Variants in SDK1 observed in about 807,000 individuals in gnomAD.
The protein encoded by SDK1 is protein sidekick-1.
SDK1 carries 157 observed loss-of-function variants against 245.5 expected under a neutral mutation model. That is an observed-to-expected ratio of 0.64 (90% CI 0.56 to 0.73). The LOEUF (loss-of-function observed/expected upper bound fraction) is 0.73. SDK1 is among the 30% of genes least tolerant of loss of function. The pLI is 0.00. For missense variants in SDK1, 3,583 were observed against 3,002.3 expected (o/e 1.19, Z -4.52); for synonymous variants, 1,647 against 1,278.5 (o/e 1.29, Z -6.15).
rs546792435 is a variant in SDK1, at chr7:3,949,183, G to A, written c.848-1740G>A. Among the ~76,000 whole-genome samples the A allele has an allele frequency of 4.6e-5, 7 of 152,344 alleles. No homozygotes were observed. The East Asian group carries it at 1.4e-3, about 29-fold the overall frequency. On this transcript the variant is annotated intron_variant, in intron 5 of 44. Transcript: ENST00000404826. ...CCGCTGCAGAGTTGGAGAGTCTAGA[G>A]ATGGGGAAGGCTGCCTCAGCCCCCC...
chr7:4,109,741 G>A (rs1442375968), intron 22 of SDK1, among the ~76,000 whole-genome samples: 1 of 152,212 alleles, frequency 6.6e-6, no homozygotes, highest in Non-Finnish European at 1.5e-5. Flanking sequence ...CCATCAAGGG[G>A]GAGAGAGGGA....
intron 1 of SDK1, among the ~76,000 whole-genome samples, chr7:3,324,161 T>A (rs1178809752): frequency 1.3e-5 from 2 of 152,218 alleles, no homozygotes; most frequent in Non-Finnish European, 2.9e-5. Context: ...AGATTCATTT[T>A]TCATGGTCAT....
chr7:3,582,113 A>T (rs1041916534), intron 1 of SDK1, among the ~76,000 whole-genome samples: 3 of 145,164 alleles, frequency 2.1e-5, no homozygotes, highest in Non-Finnish European at 4.7e-5. Context: ...GGTCTCCCTC[A>T]GGTAGGCCTG....
At chr7:3,327,049 T>G (rs760192277) in intron 1 of SDK1, among the ~76,000 whole-genome samples, 3 of 152,212 alleles carry the variant, frequency 2.0e-5, no homozygotes, top group Non-Finnish European at 4.4e-5. Flanking sequence ...AAGTCAGATG[T>G]AAAGATAATG....
intron 32 of SDK1, among the ~76,000 whole-genome samples, chr7:4,172,124 G>A (rs181363624): frequency 3.9e-5 from 6 of 152,302 alleles, no homozygotes; most frequent in African/African-American, 1.4e-4. Context: ...GCTTTTCCGC[G>A]TCTGAGGGGG....
chr7:3,389,245 C>CT (rs1361142915), intron 1 of SDK1, among the ~76,000 whole-genome samples: 15 of 151,966 alleles, frequency 9.9e-5, no homozygotes, highest in Admixed American at 3.3e-4. Context: ...TAAAATGAGA[C>CT]TACAGATATG....
intron 1 of SDK1, among the ~76,000 whole-genome samples, chr7:3,490,819 T>C (rs1781842516): frequency 2.0e-5 from 3 of 152,312 alleles, no homozygotes; most frequent in Admixed American, 2.0e-4. Context: ...GCCCAAATTC[T>C]CCTTTTAGTA....
intron 5 of SDK1, among the ~76,000 whole-genome samples, chr7:3,892,332 C>T (rs1283253970): frequency 6.6e-6 from 1 of 152,236 alleles, no homozygotes. Context: ...GTGTTCTCCA[C>T]GTCTCCTCAT....
At chr7:3,567,168 C>G (rs940581443) in intron 1 of SDK1, among the ~76,000 whole-genome samples, 1 of 152,212 alleles carries the variant, frequency 6.6e-6, no homozygotes, top group Non-Finnish European at 1.5e-5. Context: ...TTTAAAAACA[C>G]TGAGGATTTG....
At chr7:3,827,571 A>G (rs541894642) in intron 5 of SDK1, among the ~76,000 whole-genome samples, 1 of 152,364 alleles carries the variant, frequency 6.6e-6, no homozygotes, top group East Asian at 1.9e-4. Flanking sequence ...CTACAAAACG[A>G]GGTGGGACCT....
chr7:3,604,864 A>C (rs886281406), intron 1 of SDK1, among the ~76,000 whole-genome samples: 1 of 151,732 alleles, frequency 6.6e-6, no homozygotes, highest in Non-Finnish European at 1.5e-5. Context: ...GGCCTCCCAA[A>C]GTGCTAGGAT....
intron 5 of SDK1, among the ~76,000 whole-genome samples, chr7:3,856,574 T>C (rs1197771711): frequency 6.6e-6 from 1 of 150,768 alleles, no homozygotes; most frequent in Non-Finnish European, 1.5e-5. Context: ...GTGGATCACC[T>C]GAGATCAGGA....
chr7:3,445,609 T>C (rs1780318813), intron 1 of SDK1, among the ~76,000 whole-genome samples: 1 of 152,206 alleles, frequency 6.6e-6, no homozygotes, highest in South Asian at 2.1e-4. Flanking sequence ...TATAATTTAG[T>C]ACACATCAAA....
chr7:3,614,590 T>G (rs187568410), intron 1 of SDK1, among the ~76,000 whole-genome samples: 285 of 152,348 alleles, frequency 1.9e-3, no homozygotes, highest in African/African-American at 6.3e-3. Context: ...ACTTGAATAC[T>G]GATCCTTCTT....
At position 4,010,894 on chromosome 7, in the gene SDK1, C is replaced by G. The variant is rs541774887; in HGVS notation, c.2132-72C>G. 4 of 1,499,322 alleles carry G rather than the reference C, an allele frequency of 2.7e-6. No individual in the cohort carries two copies. The African/African-American group carries it at 5.5e-5, about 21-fold the overall frequency. 92.9% of individuals were successfully genotyped at this position (1,499,322 alleles called of 1,614,324 possible). A position where few individuals can be genotyped will look rare whatever the true frequency, so the allele number is the denominator to read the frequency against. On this transcript the variant is annotated intron_variant, in intron 14 of 44. Coordinates refer to ENST00000404826, the MANE Select transcript of SDK1 (RefSeq NM_152744.4). ...CAAATGAGATGTTCCCTGAGAAAGC[C>G]TTTGCATTCACCTCTTATTATTCAG...
At chr7:3,571,237 A>T (rs1343585984) in intron 1 of SDK1, among the ~76,000 whole-genome samples, 2 of 152,016 alleles carry the variant, frequency 1.3e-5, no homozygotes, top group African/African-American at 4.8e-5. Flanking sequence ...CAATCTATAA[A>T]ATCTTGATTT....
At chr7:3,561,471 C>A (rs1203506058) in intron 1 of SDK1, among the ~76,000 whole-genome samples, 2 of 152,310 alleles carry the variant, frequency 1.3e-5, no homozygotes, top group South Asian at 2.1e-4. Context: ...ACTCGGAGAT[C>A]TCTGAGAACA....
intron 27 of SDK1, 169 bp downstream of exon 27, chr7:4,130,266 C>T (rs1784715643): frequency 1.5e-6 from 1 of 675,350 alleles, no homozygotes; most frequent in African/African-American, 1.8e-5. Context: ...ACTTATATGG[C>T]CAATTTCAGC....
intron 4 of SDK1, among the ~76,000 whole-genome samples, chr7:3,751,682 G>A (rs542428378): frequency 1.3e-5 from 2 of 152,048 alleles, no homozygotes; most frequent in Admixed American, 6.6e-5. Flanking sequence ...CTGCAGTACC[G>A]AGCTCTGTGA....
Sources: gnomAD v4.1 joint callset for allele counts (sites outside exome capture counted in the v4.1 genomes callset) on GRCh38, gnomAD v4.1.1 for gene constraint, MANE v1.5 for transcripts, NCBI Gene and HGNC (gene_info 2026-07-23, HGNC 2026-07-21) for gene names.